Variants in ARHGAP32 observed in about 807,000 individuals in gnomAD.
ARHGAP32 encodes the protein Rho GTPase activating protein 32.
A neutral mutation model predicts 186.5 loss-of-function variants in ARHGAP32; 51 were observed. The ratio of observed to expected loss-of-function variants is 0.27; its 90% CI spans 0.22 to 0.35. The LOEUF is 0.35. ARHGAP32 is among the 10% of genes least tolerant of loss of function. ARHGAP32 has a pLI of 1.00. For missense variants in ARHGAP32, 2,186 were observed against 2,623.5 expected, an observed-to-expected ratio of 0.83 and a Z score of 3.64; for synonymous variants, 950 against 964.3, an observed-to-expected ratio of 0.99 and a Z score of 0.27.
intron 1 of ARHGAP32, among the ~76,000 whole-genome samples, chr11:129,172,405 T>C (rs1943786321): frequency 6.6e-6 from 1 of 152,246 alleles, no homozygotes; most frequent in South Asian, 2.1e-4. Flanking sequence ...TCAAAGGCCT[T>C]TTCTGCATCT....
At chr11:129,075,385 G>A (rs1332879918) in intron 6 of ARHGAP32, among the ~76,000 whole-genome samples, 1 of 152,132 alleles carries the variant, frequency 6.6e-6, no homozygotes, top group African/African-American at 2.4e-5. Context: ...AAAGTTATGA[G>A]GGATAAATGG....
intron 6 of ARHGAP32, among the ~76,000 whole-genome samples, chr11:129,074,003 C>T (rs991088321): frequency 1.3e-5 from 2 of 152,046 alleles, no homozygotes; most frequent in Non-Finnish European, 2.9e-5. Flanking sequence ...AATTATCCCT[C>T]AAAAATGAAA....
intron 2 of ARHGAP32, among the ~76,000 whole-genome samples, chr11:129,159,010 G>C (rs1943472769): frequency 6.6e-6 from 1 of 152,134 alleles, no homozygotes; most frequent in South Asian, 2.1e-4. Context: ...TGAAATCAAT[G>C]AGAACAAAGA....
At position 128,973,415 on chromosome 11, in the gene ARHGAP32, G is replaced by T. The variant is rs1037490674; in HGVS notation, c.3091C>A (p.Pro1031Thr). Residue 1031 changes from proline to threonine, a missense_variant, in exon 22 of 23, where the codon CCC becomes ACC. By Grantham distance (38) the Pro-to-Thr change is conservative. This residue lies in a region of ARHGAP32 where 1,502 missense variants were observed against 1,570.0 expected (regional missense o/e 0.96). Coordinates refer to ENST00000682385, the MANE Select transcript of ARHGAP32 (RefSeq NM_001378024.1). ...CTGACAGGAACGGAATCCTGAGGGG[G>T]GTCATGGGTAACTGCTCCTAGTGGG... ...QTQTGAVTHD[P>T]PQDSVPVSSV... 6.2e-7 allele frequency: 1 copy of T among 1,613,438 alleles called. No homozygotes were observed. The highest frequency in any genetic ancestry group is 1.1e-5 in the South Asian group (1 of 91,048).
intron 2 of ARHGAP32, among the ~76,000 whole-genome samples, chr11:129,144,702 T>C (rs1943132784): frequency 6.6e-6 from 1 of 152,174 alleles, no homozygotes; most frequent in Non-Finnish European, 1.5e-5. Flanking sequence ...ATTGTATCAC[T>C]ATTCTTATTC....
chr11:129,214,888 A>G (rs1182164983), intron 1 of ARHGAP32, among the ~76,000 whole-genome samples: 2 of 152,244 alleles, frequency 1.3e-5, no homozygotes, highest in African/African-American at 4.8e-5. Context: ...AGCCACAGAC[A>G]ATAGCAAATG....
chr11:129,105,171 T>C (rs1215555465), intron 5 of ARHGAP32, among the ~76,000 whole-genome samples: 2 of 152,150 alleles, frequency 1.3e-5, no homozygotes, highest in Non-Finnish European at 2.9e-5. Context: ...AAAAATTATA[T>C]TTGAGACATA....
intron 1 of ARHGAP32, among the ~76,000 whole-genome samples, chr11:129,186,233 G>A (rs538955042): frequency 3.3e-5 from 5 of 152,146 alleles, no homozygotes; most frequent in South Asian, 4.1e-4. Context: ...GGTCTATATC[G>A]TTTGTGTACT....
In ARHGAP32 at chr11:129,029,801, C is replaced by CAAAAAAAA. The variant is rs34762356; in HGVS notation, c.1045+11119_1045+11126dup. On this transcript the variant is annotated intron_variant, in intron 11 of 22. Coordinates refer to ENST00000682385, the MANE Select transcript of ARHGAP32 (RefSeq NM_001378024.1). ...TGGGGGACAGAGGGAGACTCCGTCTCAAAAAAAAAAAAAAAAAAAAAAAAA... is the reference window on the plus strand; with the variant it reads ...TGGGGGACAGAGGGAGACTCCGTCTCAAAAAAAAAAAAAAAAAAAAAAAAAAAAAAAAA... 1.1e-3 allele frequency among the ~76,000 whole-genome samples: 51 copies of CAAAAAAAA among 46,942 alleles called. 6 individuals carry two copies. Among genetic ancestry groups the CAAAAAAAA allele is most frequent in the African/African-American group, 1.5e-3 (13 of 8,898 alleles). 30.8% of individuals were successfully genotyped at this position (46,942 alleles called of 152,430 possible).
chr11:129,239,560 A>G (rs947224919), intron 1 of ARHGAP32, among the ~76,000 whole-genome samples: 4 of 152,128 alleles, frequency 2.6e-5, no homozygotes, highest in Non-Finnish European at 1.5e-5. Context: ...TAGAAATTGG[A>G]TGATACCAAT....
At chr11:129,269,481 C>T (rs1270821420) in intron 1 of ARHGAP32, among the ~76,000 whole-genome samples, 1 of 152,124 alleles carries the variant, frequency 6.6e-6, no homozygotes, top group Non-Finnish European at 1.5e-5. Flanking sequence ...AATCCCAACA[C>T]TTTGAGAGGC....
chr11:129,205,031 C>A (rs955660787), intron 1 of ARHGAP32, among the ~76,000 whole-genome samples: 2 of 152,060 alleles, frequency 1.3e-5, no homozygotes, highest in African/African-American at 4.8e-5. Context: ...TAAAGTTAAT[C>A]ATTTGAAGAA....
At chr11:129,040,445 CT>C (rs1164454197) in intron 11 of ARHGAP32, among the ~76,000 whole-genome samples, 1 of 152,030 alleles carries the variant, frequency 6.6e-6, no homozygotes, top group Non-Finnish European at 1.5e-5. Flanking sequence ...TTTTTATCCC[CT>C]TCAACAATGC....
At chr11:129,174,800 A>G (rs1342604846) in intron 1 of ARHGAP32, among the ~76,000 whole-genome samples, 2 of 151,830 alleles carry the variant, frequency 1.3e-5, no homozygotes, top group Admixed American at 1.3e-4. Flanking sequence ...GTACATCACC[A>G]TCATCAAAGA....
chr11:129,208,272 G>C (rs1251968606), intron 1 of ARHGAP32, among the ~76,000 whole-genome samples: 4 of 152,100 alleles, frequency 2.6e-5, no homozygotes, highest in Non-Finnish European at 4.4e-5. Flanking sequence ...TCCAACTCTA[G>C]AGATCAAGAA....
At position 128,970,477 on chromosome 11, in the gene ARHGAP32, A is replaced by T; in HGVS notation, c.4736T>A (p.Val1579Asp). 1 of 1,614,170 alleles carries T rather than the reference A, an allele frequency of 6.2e-7. No individual in the cohort carries two copies. The highest frequency in any genetic ancestry group is 1.1e-5 in the South Asian group (1 of 91,078). The change falls in exon 23 of 23, where the codon GTC becomes GAC. Residue 1579 changes from valine (V) to aspartate (D), a missense_variant. Physicochemically the swap from Val to Asp is radical, Grantham distance 152. This residue lies in a region of ARHGAP32 where 1,502 missense variants were observed against 1,570.0 expected (regional missense o/e 0.96). Transcript: ENST00000682385. This position sits in a 1 kb window ranked among gnomAD's most constrained non-coding sequence, Gnocchi z 5.8. ...GTCTTCGGGGTAACAGGTATTCCTG[A>T]CAGAGGAGCTCAAAGAAGACACATA... ...VEYVSSLSSSVRNTCYPEDIP... is the reference protein window; with the variant it reads ...VEYVSSLSSSDRNTCYPEDIP...
At chr11:129,004,743 T>A (rs1362830799) in intron 11 of ARHGAP32, among the ~76,000 whole-genome samples, 1 of 152,198 alleles carries the variant, frequency 6.6e-6, no homozygotes, top group Non-Finnish European at 1.5e-5. Flanking sequence ...CCCTTTCTTT[T>A]CAGTCTCTGT....
intron 11 of ARHGAP32, among the ~76,000 whole-genome samples, chr11:129,002,356 A>G (rs944611748): frequency 2.0e-5 from 3 of 152,164 alleles, no homozygotes; most frequent in Non-Finnish European, 2.9e-5. Flanking sequence ...TGTAGCTACT[A>G]TAAATGGGAT....
At chr11:129,083,692 C>T (rs1941293039) in intron 6 of ARHGAP32, among the ~76,000 whole-genome samples, 1 of 152,080 alleles carries the variant, frequency 6.6e-6, no homozygotes, top group Admixed American at 6.5e-5. Context: ...TCAAACACCA[C>T]CGCTTCCCCA....
Sources: gnomAD v4.1 joint callset for allele counts (sites outside exome capture counted in the v4.1 genomes callset) on GRCh38, gnomAD v4.1.1 for gene constraint, gnomAD v4.1.1 regional missense constraint, Gnocchi (gnomAD v3.1) non-coding constraint, MANE v1.5 for transcripts, NCBI Gene and HGNC (gene_info 2026-07-23, HGNC 2026-07-21) for gene names.